ADGRG6: variants seen among roughly 807,000 people sequenced by gnomAD.
ADGRG6 encodes G-protein coupled receptor 126.
In ADGRG6, 84 loss-of-function variants were observed where a neutral mutation model predicts 142.4. The ratio of observed to expected loss-of-function variants is 0.59; its 90% confidence interval spans 0.49 to 0.71. The LOEUF is 0.71. ADGRG6 is among the 30% of genes least tolerant of loss of function. The pLI is 0.00. For synonymous variants in ADGRG6, 521 were observed against 520.5 expected, an observed-to-expected ratio of 1.00 and a Z score of -0.01; for missense variants, 1,367 against 1,466.6, an observed-to-expected ratio of 0.93 and a Z score of 1.11.
intron 2 of ADGRG6, among the ~76,000 whole-genome samples, chr6:142,342,040 T>C (rs1342060): frequency 0.31 from 47,396 of 151,786 alleles, 7,611 homozygotes; most frequent in African/African-American, 0.38. Context: ...GAAGTTTACC[T>C]CTTAAAATGC....
chr6:142,313,324 G>A (rs759676700), intron 2 of ADGRG6, among the ~76,000 whole-genome samples: 6 of 151,676 alleles, frequency 4.0e-5, no homozygotes, highest in Non-Finnish European at 7.4e-5. Context: ...TCTTTTTTGT[G>A]GCCTAACACT....
At chr6:142,362,057 T>C (rs1294115173) in intron 2 of ADGRG6, among the ~76,000 whole-genome samples, 1 of 152,170 alleles carries the variant, frequency 6.6e-6, no homozygotes, top group East Asian at 1.9e-4. Flanking sequence ...AACATGATTA[T>C]GGAAAGACAG....
At chr6:142,314,370 A>G (rs1366324488) in intron 2 of ADGRG6, among the ~76,000 whole-genome samples, 1 of 152,130 alleles carries the variant, frequency 6.6e-6, no homozygotes, top group Non-Finnish European at 1.5e-5. Context: ...CAGGTGTCCT[A>G]CTTTTTATTG....
At chr6:142,316,940 T>C (rs1423946487) in intron 2 of ADGRG6, among the ~76,000 whole-genome samples, 1 of 152,080 alleles carries the variant, frequency 6.6e-6, no homozygotes, top group Non-Finnish European at 1.5e-5. Context: ...AGGTCAATAT[T>C]AGTGTTTTAT....
intron 8 of ADGRG6, among the ~76,000 whole-genome samples, chr6:142,393,232 A>G (rs1021416927): frequency 2.0e-5 from 3 of 151,996 alleles, no homozygotes; most frequent in Admixed American, 6.6e-5. Flanking sequence ...TTTGTTTTAA[A>G]TCATGTTATA....
At position 142,397,699 on chromosome 6, in the gene ADGRG6, A is replaced by T; in HGVS notation, c.1511A>T (p.Asn504Ile). Residue 504 changes from asparagine to isoleucine, a missense_variant, in exon 10 of 25, where the codon AAT becomes ATT. By Grantham distance (149) the Asn-to-Ile change is moderately radical (BLOSUM62 -3). This residue lies in a region of ADGRG6 where 737 missense variants were observed against 746.5 expected (regional missense o/e 0.99). Coordinates refer to ENST00000367609, the MANE Select transcript of ADGRG6 (RefSeq NM_198569.3). Reference protein sequence around the residue: ...GKIIQQKLLKNNESLDEGLRL... With the variant: ...GKIIQQKLLKINESLDEGLRL... ...ATCATTCAGCAGAAGCTCCTAAAAA[A>T]TAATGAGTCCTTGGATGAAGGCTTG... 1.9e-6 allele frequency: 3 copies of T among 1,609,358 alleles called. No individual in the cohort carries two copies. Among genetic ancestry groups the T allele is most frequent in the Non-Finnish European group, 1.7e-6 (2 of 1,177,490 alleles).
chr6:142,367,221 G>A (rs1048108327), intron 2 of ADGRG6, among the ~76,000 whole-genome samples: 2 of 152,060 alleles, frequency 1.3e-5, no homozygotes, highest in African/African-American at 2.4e-5. Context: ...TGTGAAATTC[G>A]CTGTTGCCTC....
rs991538988 is a variant in ADGRG6, at chr6:142,445,680, G to A, written c.*2165G>A. 1 of 152,126 alleles carries A rather than the reference G, an allele frequency of 6.6e-6. No homozygotes were observed. Among genetic ancestry groups the A allele is most frequent in the Non-Finnish European group, 1.5e-5 (1 of 68,024 alleles). 9.4% of individuals were successfully genotyped at this position (152,126 alleles called of 1,614,324 possible). A position where few individuals can be genotyped will look rare whatever the true frequency, so the allele number is the denominator to read the frequency against. On this transcript the variant is annotated 3_prime_UTR_variant, in exon 25 of 25. Transcript: ENST00000367609. ...GAAACATTTGTAAATGGATTTGAAAGATTGAGCCAAATTCTGTTGTCAGTT... is the reference window on the plus strand; with the variant it reads ...GAAACATTTGTAAATGGATTTGAAAAATTGAGCCAAATTCTGTTGTCAGTT...
chr6:142,349,368 C>T (rs1302014593), intron 2 of ADGRG6, among the ~76,000 whole-genome samples: 1 of 152,206 alleles, frequency 6.6e-6, no homozygotes, highest in Non-Finnish European at 1.5e-5. Flanking sequence ...ACAGCGGCCT[C>T]AGCAGATACT....
chr6:142,358,099 C>A (rs992835283), intron 2 of ADGRG6, among the ~76,000 whole-genome samples: 1 of 152,134 alleles, frequency 6.6e-6, no homozygotes, highest in African/African-American at 2.4e-5. Context: ...GGTATTAGAA[C>A]TATAATTAGC....
intron 3 of ADGRG6, 136 bp from the exon 4 acceptor site, chr6:142,370,034 T>G (rs1583048142): frequency 1.7e-6 from 1 of 595,004 alleles, no homozygotes; most frequent in South Asian, 2.6e-5. Context: ...GATAGATGAG[T>G]AAGAGGGGAG....
At chr6:142,361,672 C>T (rs888741742) in intron 2 of ADGRG6, among the ~76,000 whole-genome samples, 7 of 152,154 alleles carry the variant, frequency 4.6e-5, no homozygotes, top group South Asian at 2.1e-4. Flanking sequence ...CAAGAAGGTC[C>T]GCAGCTGGAT....
intron 24 of ADGRG6, chr6:142,441,022 T>A: frequency 1.4e-6 from 1 of 705,272 alleles, no homozygotes; most frequent in South Asian, 2.1e-5. Flanking sequence ...GTGCATGGAT[T>A]AAGCTAAGAT....
intron 6 of ADGRG6, 64 bp downstream of exon 6, chr6:142,383,907 G>A (rs1248886197): frequency 6.1e-6 from 5 of 819,110 alleles, no homozygotes; most frequent in Middle Eastern, 4.5e-4. Context: ...TTCTAAGGAT[G>A]GAAATATGTA....
chr6:142,365,065 A>G (rs1780884347), intron 2 of ADGRG6, among the ~76,000 whole-genome samples: 1 of 152,140 alleles, frequency 6.6e-6, no homozygotes, highest in Admixed American at 6.6e-5. Flanking sequence ...ACTTTCCTTT[A>G]TATTTTTATT....
At chr6:142,378,038 A>C (rs1381187168) in intron 4 of ADGRG6, among the ~76,000 whole-genome samples, 1 of 152,242 alleles carries the variant, frequency 6.6e-6, no homozygotes, top group Admixed American at 6.5e-5. Flanking sequence ...GGAACAGCTA[A>C]CTAAAATACT....
At chr6:142,424,881 A>G (rs1327764563) in intron 22 of ADGRG6, among the ~76,000 whole-genome samples, 1 of 152,168 alleles carries the variant, frequency 6.6e-6, no homozygotes, top group Non-Finnish European at 1.5e-5. Flanking sequence ...GTGTTACAAA[A>G]AAACATGATA....
chr6:142,406,676 CA>C (rs200368111), intron 15 of ADGRG6, among the ~76,000 whole-genome samples: 2,132 of 152,156 alleles, frequency 0.014, 53 homozygotes, highest in African/African-American at 0.048. Context: ...ATTTTATCAA[CA>C]AATGTTTTAG....
chr6:142,325,117 C>A (rs910469351), intron 2 of ADGRG6, among the ~76,000 whole-genome samples: 3 of 152,070 alleles, frequency 2.0e-5, no homozygotes, highest in Admixed American at 2.0e-4. Flanking sequence ...TTGCTGTATA[C>A]CTAAAAAGTA....
Sources: allele counts gnomAD v4.1 joint callset (sites outside exome capture counted in the v4.1 genomes callset), GRCh38; gene constraint gnomAD v4.1.1; regional missense constraint gnomAD v4.1.1; transcripts MANE v1.5; gene names NCBI Gene and HGNC (gene_info 2026-07-23, HGNC 2026-07-21).